The following MYO5B variants were observed in gnomAD, a reference collection of about 807,000 sequenced individuals.
The protein encoded by MYO5B is myosin VB, also known as unconventional myosin-Vb.
In MYO5B, 143 loss-of-function variants were observed where a neutral mutation model predicts 229.3. The observed-to-expected ratio is 0.62, with a 90% CI of 0.54 to 0.72. The LOEUF (loss-of-function observed/expected upper bound fraction) is 0.72. MYO5B is among the 30% of genes least tolerant of loss of function. The pLI is 0.00. For missense variants in MYO5B, 2,321 were observed against 2,331.0 expected, an observed-to-expected ratio of 1.00 and a Z score of 0.09; for synonymous variants, 918 against 885.2, an observed-to-expected ratio of 1.04 and a Z score of -0.66.
At position 49,826,476 on chromosome 18, in the gene MYO5B, C is replaced by T. The variant is rs1440339373; in HGVS notation, c.5542G>A (p.Val1848Ile). The stretch of plus-strand genomic sequence containing the variant: ...AATGCTGGAAACATGCATCTTCAGA[C>T]TTCATTGAGGAATTCCAGATTGAGA... ...ACLNLEFLNE[V>I] The change falls in exon 40 of 40, where the codon GTC (valine) becomes ATC (isoleucine). Residue 1848 changes from valine to isoleucine, a missense_variant. Physicochemically the swap from Val to Ile is conservative, Grantham distance 29 (BLOSUM62 3). Transcript: ENST00000285039. 1.2e-6 allele frequency: 2 copies of T among 1,613,816 alleles called. No individual in the cohort carries two copies. Among genetic ancestry groups the T allele is most frequent in the Admixed American group, 1.7e-5 (1 of 59,982 alleles).
intron 4 of MYO5B, among the ~76,000 whole-genome samples, chr18:50,023,450 T>G (rs879734803): frequency 6.6e-6 from 1 of 152,194 alleles, no homozygotes; most frequent in African/African-American, 2.4e-5. Context: ...AAGCTATTAG[T>G]AAGCTTCTAT....
At chr18:50,022,596 G>A (rs1423014373) in intron 4 of MYO5B, among the ~76,000 whole-genome samples, 1 of 152,162 alleles carries the variant, frequency 6.6e-6, no homozygotes, top group Non-Finnish European at 1.5e-5. Flanking sequence ...CATGATAATT[G>A]TCTTGAAATC....
chr18:49,932,193 AC>A (rs1181321538), intron 16 of MYO5B, among the ~76,000 whole-genome samples: 1 of 152,060 alleles, frequency 6.6e-6, no homozygotes. Flanking sequence ...TGGTATCCCC[AC>A]ATCATGCTTC....
chr18:49,998,385 C>T (rs1367981017), intron 5 of MYO5B, among the ~76,000 whole-genome samples: 1 of 152,174 alleles, frequency 6.6e-6, no homozygotes, highest in Admixed American at 6.5e-5. Flanking sequence ...ACACACTCCT[C>T]CTTCAGACCT....
intron 4 of MYO5B, among the ~76,000 whole-genome samples, chr18:50,007,467 G>C (rs1049579932): frequency 6.6e-6 from 1 of 152,150 alleles, no homozygotes; most frequent in Non-Finnish European, 1.5e-5. Flanking sequence ...GAAACTTTCT[G>C]AAAATGAACA....
At chr18:49,898,171 A>T (rs889746185) in intron 21 of MYO5B, among the ~76,000 whole-genome samples, 1 of 152,174 alleles carries the variant, frequency 6.6e-6, no homozygotes, top group Non-Finnish European at 1.5e-5. Flanking sequence ...CACAACTACA[A>T]ACTCACCTAA....
rs149501284 is a variant in MYO5B, at chr18:49,845,269, C to T, written c.4459+1877G>A. Among the ~76,000 whole-genome samples, 119 of 152,264 alleles carry T rather than the reference C, an allele frequency of 7.8e-4. 1 individual carries two copies. The highest frequency in any genetic ancestry group is 2.7e-3 in the African/African-American group (112 of 41,566). ...ACACCACATTTAATTAATTGCTGGA[C>T]AACTGTAGGGGAGATTAAGCTTTTT... is the stretch of plus-strand genomic sequence containing the variant. On this transcript the variant is annotated intron_variant, in intron 33 of 39. Coordinates refer to ENST00000285039, the MANE Select transcript of MYO5B (RefSeq NM_001080467.3).
chr18:49,864,559 C>T (rs569300791), intron 27 of MYO5B, among the ~76,000 whole-genome samples, 179 bp from the exon 28 acceptor site: 2 of 152,218 alleles, frequency 1.3e-5, no homozygotes, highest in Non-Finnish European at 2.9e-5. Context: ...TGGATGTGAA[C>T]TCATGACTTC....
At chr18:50,116,956 C>T (rs1389151842) in intron 1 of MYO5B, among the ~76,000 whole-genome samples, 2 of 152,202 alleles carry the variant, frequency 1.3e-5, no homozygotes, top group South Asian at 2.1e-4. Context: ...ACTCACATAC[C>T]CAACTTTTTT....
intron 22 of MYO5B, among the ~76,000 whole-genome samples, chr18:49,886,344 A>G (rs1539923): frequency 0.58 from 88,307 of 152,028 alleles, 25,813 homozygotes; most frequent in Middle Eastern, 0.67. Context: ...GTTTATCTGT[A>G]GATGGGCTTC....
chr18:49,969,901 G>T (rs1417092906), intron 10 of MYO5B: 1 of 152,226 alleles, frequency 6.6e-6, no homozygotes, highest in Non-Finnish European at 1.5e-5. Context: ...TACAGCCTGT[G>T]TTGCTCCCAG....
At chr18:50,150,857 T>C (rs1006993946) in intron 1 of MYO5B, among the ~76,000 whole-genome samples, 2 of 151,726 alleles carry the variant, frequency 1.3e-5, no homozygotes, top group Non-Finnish European at 2.9e-5. Flanking sequence ...AAAAGAAAAA[T>C]AGGGCAGTGG....
At chr18:49,912,313 G>T (rs1002737053) in intron 17 of MYO5B, 140 bp from the exon 18 acceptor site, 1 of 733,650 alleles carries the variant, frequency 1.4e-6, no homozygotes. Flanking sequence ...AACAGTCCCA[G>T]GGGAGTTTTG....
At chr18:49,893,032 G>A (rs919757448) in intron 22 of MYO5B, among the ~76,000 whole-genome samples, 3 of 152,194 alleles carry the variant, frequency 2.0e-5, no homozygotes, top group Non-Finnish European at 4.4e-5. Flanking sequence ...GAGGGAGTCT[G>A]CTTCTCTGTT....
intron 10 of MYO5B, among the ~76,000 whole-genome samples, chr18:49,973,646 G>A (rs767976978): frequency 1.3e-5 from 2 of 152,136 alleles, no homozygotes; most frequent in African/African-American, 2.4e-5. Context: ...GGGAGACTGT[G>A]GCTCAAAACC....
intron 26 of MYO5B, among the ~76,000 whole-genome samples, chr18:49,873,352 G>A (rs1021972431): frequency 2.0e-5 from 3 of 149,120 alleles, no homozygotes; most frequent in East Asian, 2.0e-4. Flanking sequence ...GATTACCTAC[G>A]TGCTAGCTAG....
At position 50,055,246 on chromosome 18, in the gene MYO5B, C is replaced by A; in HGVS notation, c.138+22G>T. ...CCCTGCCCCACCTCACCCCCGCCCC[C>A]CTGCCCCGGACTCACTCTTACCGTT... On this transcript the variant is annotated intron_variant, in intron 2 of 39. Transcript: ENST00000285039. 2 of 1,161,554 alleles carry A rather than the reference C, an allele frequency of 1.7e-6. 1 individual carries two copies. Among genetic ancestry groups the A allele is most frequent in the African/African-American group, 3.1e-5 (2 of 65,070 alleles). The allele number at this position is 1,161,554 out of a possible 1,614,324, so 72.0% of individuals were successfully genotyped here.
intron 4 of MYO5B, among the ~76,000 whole-genome samples, chr18:50,002,821 G>T (rs2026062704): frequency 1.3e-5 from 2 of 152,156 alleles, no homozygotes; most frequent in East Asian, 3.9e-4. Flanking sequence ...GACAGGTTTA[G>T]AACTTGGGTC....
intron 39 of MYO5B, among the ~76,000 whole-genome samples, chr18:49,829,433 C>T (rs2023888024): frequency 6.6e-6 from 1 of 152,072 alleles, no homozygotes; most frequent in Non-Finnish European, 1.5e-5. Flanking sequence ...TTGAATAGAC[C>T]TATAACAAGT....
Sources: allele counts gnomAD v4.1 joint callset (sites outside exome capture counted in the v4.1 genomes callset), GRCh38; gene constraint gnomAD v4.1.1; transcripts MANE v1.5; gene names NCBI Gene and HGNC (gene_info 2026-07-23, HGNC 2026-07-21).